The following SPOCK1 variants were observed in gnomAD, a reference collection of about 807,000 sequenced individuals.
The protein encoded by SPOCK1 is SPARC (osteonectin), cwcv and kazal like domains proteoglycan 1.
Under a neutral mutation model 55.3 loss-of-function variants are expected in SPOCK1, and 23 were observed. The ratio of observed to expected loss-of-function variants is 0.42; its 90% CI spans 0.30 to 0.59. The LOEUF (loss-of-function observed/expected upper bound fraction) is 0.59, where lower values mean the gene tolerates loss of function less well. Ranked by LOEUF, SPOCK1 falls within the 20% of genes least tolerant of loss-of-function variation. SPOCK1 has a pLI of 0.22. For missense variants in SPOCK1, 499 were observed against 552.5 expected (o/e 0.90, Z 0.97); for synonymous variants, 226 against 221.0 (o/e 1.02, Z -0.20).
chr5:137,375,025 T>A (rs370258799), intron 2 of SPOCK1, among the ~76,000 whole-genome samples: 1 of 152,160 alleles, frequency 6.6e-6, no homozygotes, highest in Admixed American at 6.5e-5. Context: ...ATTTTATCTG[T>A]TTCCTATGAA....
intron 6 of SPOCK1, among the ~76,000 whole-genome samples, chr5:137,017,116 G>A (rs1751461165): frequency 6.6e-6 from 1 of 152,256 alleles, no homozygotes; most frequent in South Asian, 2.1e-4. Flanking sequence ...GCTGCCTGCT[G>A]CTTATGTGAA....
chr5:137,382,335 C>G (rs1751488777), intron 2 of SPOCK1, among the ~76,000 whole-genome samples: 1 of 152,216 alleles, frequency 6.6e-6, no homozygotes, highest in South Asian at 2.1e-4. Context: ...CTGAGCTCTC[C>G]AAACTCTTCC....
At chr5:137,336,086 A>G (rs1230130405) in intron 2 of SPOCK1, among the ~76,000 whole-genome samples, 1 of 152,228 alleles carries the variant, frequency 6.6e-6, no homozygotes, top group African/African-American at 2.4e-5. Flanking sequence ...AAAATAATGA[A>G]TACTCTGTAC....
chr5:137,044,749 C>T (rs1389212376), intron 6 of SPOCK1, among the ~76,000 whole-genome samples: 1 of 150,046 alleles, frequency 6.7e-6, no homozygotes, highest in Non-Finnish European at 1.5e-5. Context: ...CCCACTAACT[C>T]GTCATCTAGC....
intron 3 of SPOCK1, among the ~76,000 whole-genome samples, chr5:137,219,849 T>C (rs946769022): frequency 1.3e-5 from 2 of 152,194 alleles, no homozygotes; most frequent in African/African-American, 2.4e-5. Flanking sequence ...GATGATTTTA[T>C]AGGGCCTCCA....
At chr5:137,422,963 G>A (rs936233274) in intron 2 of SPOCK1, among the ~76,000 whole-genome samples, 1 of 152,082 alleles carries the variant, frequency 6.6e-6, no homozygotes, top group African/African-American at 2.4e-5. Context: ...ATGGGGTTTT[G>A]GTGTGGATGT....
chr5:136,978,802 G>A lies in SPOCK1; in HGVS notation c.1172C>T (p.Ser391Phe). ...ETSGDFGSGGSVVLLDDLEYE... is the reference protein window; with the variant it reads ...ETSGDFGSGGFVVLLDDLEYE... ...TTCTAGGTCATCCAGCAGGACCACG[G>A]ACCCACCACTGCCAAAATCCCCTGA... is the stretch of plus-strand genomic sequence containing the variant. The change falls in exon 11 of 11, where the codon TCC becomes TTC. Residue 391 changes from serine (S) to phenylalanine (F), a missense_variant. Coordinates refer to ENST00000394945, the MANE Select transcript of SPOCK1 (RefSeq NM_004598.4). 4 of 1,613,260 alleles carry A rather than the reference G, an allele frequency of 2.5e-6. No homozygotes were observed. Among genetic ancestry groups the A allele is most frequent in the Non-Finnish European group, 3.4e-6 (4 of 1,179,782 alleles).
At position 136,992,580 on chromosome 5, in the gene SPOCK1, G is replaced by A. The variant is rs201506391; in HGVS notation, c.610C>T (p.Arg204Trp). 1.3e-5 allele frequency: 21 copies of A among 1,613,622 alleles called. No individual in the cohort carries two copies. In the East Asian group the frequency reaches 1.3e-4, roughly 10 times the overall value. The change falls in exon 7 of 11, where the codon CGG becomes TGG. Residue 204 changes from arginine to tryptophan, a missense_variant. Coordinates refer to ENST00000394945, the MANE Select transcript of SPOCK1 (RefSeq NM_004598.4). The part of the protein sequence containing the change: ...ERSACTDKEL[R>W]NLASRLKDWF... Reference sequence around the variant, plus strand: ...TCCTTCAGCCGGGAGGCAAGGTTCCGCAACTCCTTGTCTGTGCAGGCTAGA... The same window carrying A: ...TCCTTCAGCCGGGAGGCAAGGTTCCACAACTCCTTGTCTGTGCAGGCTAGA...
intron 3 of SPOCK1, among the ~76,000 whole-genome samples, chr5:137,172,921 C>T (rs542598198): frequency 9.8e-5 from 15 of 152,308 alleles, no homozygotes; most frequent in Middle Eastern, 3.4e-3. Flanking sequence ...AGACAGACTA[C>T]AAACCAGCTA....
At chr5:137,175,890 C>T (rs559860188) in intron 3 of SPOCK1, among the ~76,000 whole-genome samples, 3 of 152,096 alleles carry the variant, frequency 2.0e-5, no homozygotes, top group South Asian at 4.2e-4. Context: ...CAACAGGCAG[C>T]GACTTCTTGG....
At chr5:137,344,967 G>A (rs150608914) in intron 2 of SPOCK1, among the ~76,000 whole-genome samples, 2,063 of 152,256 alleles carry the variant, frequency 0.014, 37 homozygotes, top group Middle Eastern at 0.017. Context: ...TTTATAGAAG[G>A]TTCTTAGGCA....
intron 2 of SPOCK1, among the ~76,000 whole-genome samples, chr5:137,290,179 C>T (rs1009551783): frequency 7.2e-5 from 11 of 152,224 alleles, no homozygotes; most frequent in Middle Eastern, 6.8e-3. Flanking sequence ...CTCAAAATTA[C>T]CCTCATTTGA....
At chr5:137,212,236 A>G (rs1755631129) in intron 3 of SPOCK1, among the ~76,000 whole-genome samples, 1 of 152,074 alleles carries the variant, frequency 6.6e-6, no homozygotes, top group Admixed American at 6.5e-5. Context: ...TGGTGGGGAG[A>G]AATCCTCACA....
intron 2 of SPOCK1, among the ~76,000 whole-genome samples, chr5:137,303,810 G>A (rs1198504170): frequency 6.6e-6 from 1 of 152,228 alleles, no homozygotes; most frequent in Non-Finnish European, 1.5e-5. Context: ...CACAGAGAAG[G>A]CGTGTGACGC....
At chr5:136,979,506 T>G (rs754457985) in intron 9 of SPOCK1, 37 bp from the exon 10 acceptor site, 21 of 1,511,964 alleles carry the variant, frequency 1.4e-5, no homozygotes, top group Middle Eastern at 1.7e-4. Context: ...ATCAGAGACA[T>G]GCAGATGATA....
chr5:137,279,998 A>T (rs1037405283), intron 2 of SPOCK1, among the ~76,000 whole-genome samples: 3 of 152,198 alleles, frequency 2.0e-5, no homozygotes, highest in Admixed American at 2.0e-4. Context: ...GTGAGCTCAT[A>T]GGGCCATGCC....
At chr5:137,462,984 G>A (rs1465941309) in intron 2 of SPOCK1, among the ~76,000 whole-genome samples, 2 of 152,188 alleles carry the variant, frequency 1.3e-5, no homozygotes, top group Non-Finnish European at 2.9e-5. Flanking sequence ...GAAGAGATGA[G>A]CAGGAGCCAA....
chr5:137,317,005 A>G (rs1426138865), intron 2 of SPOCK1, among the ~76,000 whole-genome samples: 2 of 152,278 alleles, frequency 1.3e-5, no homozygotes, highest in East Asian at 3.9e-4. Flanking sequence ...TTCCAAGCTG[A>G]TAAGAGCTCT....
rs1268730708 is a variant in SPOCK1, at chr5:137,498,416, A to G, written c.143T>C (p.Val48Ala). ...GTACTTGTCCCGGTCGTACTGGGAG[A>G]CGGTGCTCAGCCACTGGTCATTGTC... ...FLDNDQWLSTVSQYDRDKYWN... is the reference protein window; with the variant it reads ...FLDNDQWLSTASQYDRDKYWN... Residue 48 changes from valine (V) to alanine (A), a missense_variant, in exon 2 of 11, where the codon GTC becomes GCC. Around this residue, in one of 3 missense-constraint regions of SPOCK1, gnomAD observed 386 missense variants for 400.6 expected, o/e 0.96. Coordinates refer to ENST00000394945, the MANE Select transcript of SPOCK1 (RefSeq NM_004598.4). The G allele has an allele frequency of 1.2e-6, 2 of 1,607,186 alleles. No homozygotes were observed. The highest frequency in any genetic ancestry group is 2.7e-5 in the African/African-American group (2 of 74,588).
Sources: allele counts gnomAD v4.1 joint callset (sites outside exome capture counted in the v4.1 genomes callset), GRCh38; gene constraint gnomAD v4.1.1; regional missense constraint gnomAD v4.1.1; transcripts MANE v1.5; gene names NCBI Gene and HGNC (gene_info 2026-07-23, HGNC 2026-07-21).